Variants in PRKCE observed in about 807,000 individuals in gnomAD.
The protein encoded by PRKCE is protein kinase C epsilon.
PRKCE carries 16 observed loss-of-function variants against 85.4 expected under a neutral mutation model. The ratio of observed to expected loss-of-function variants is 0.19; its 90% CI spans 0.13 to 0.28. The LOEUF (loss-of-function observed/expected upper bound fraction) is 0.28, where lower values mean the gene tolerates loss of function less well. Ranked by LOEUF, PRKCE falls within the 10% of genes least tolerant of loss-of-function variation. The pLI is 1.00. For missense variants in PRKCE, 573 were observed against 975.2 expected, an observed-to-expected ratio of 0.59 and a Z score of 5.49; for synonymous variants, 388 against 371.5, an observed-to-expected ratio of 1.04 and a Z score of -0.51.
Position 45,962,252 on chromosome 2 carries a change from T to C in PRKCE, c.413-14177T>C, listed in dbSNP as rs1701432738. 2.0e-5 allele frequency among the ~76,000 whole-genome samples: 3 copies of C among 152,204 alleles called. No homozygotes were observed. In the South Asian group the frequency reaches 6.2e-4, roughly 32 times the overall value. The stretch of plus-strand genomic sequence containing the variant: ...TGGGTAATGTAGAACCATTCCTACT[T>C]TCCCCCCAGGGCCCTAAAGAATGTA... On this transcript the variant is annotated intron_variant, in intron 2 of 14. Coordinates refer to ENST00000306156, the MANE Select transcript of PRKCE (RefSeq NM_005400.3).
chr2:45,960,944 G>T (rs774838177), intron 2 of PRKCE, among the ~76,000 whole-genome samples: 12 of 152,136 alleles, frequency 7.9e-5, no homozygotes, highest in Non-Finnish European at 1.5e-4. Flanking sequence ...CCTCGCAGAG[G>T]CTTTCTGTTT....
chr2:46,022,591 A>G lies in PRKCE; in HGVS notation c.1437+12074A>G, dbSNP rs563903829. Among the ~76,000 whole-genome samples, 333 of 152,372 alleles carry G rather than the reference A, an allele frequency of 2.2e-3. 1 individual carries two copies. The highest frequency in any genetic ancestry group is 0.01 in the Middle Eastern group (3 of 294). ...AAAGCTCAATTCAGCAAATGCTTCT[A>G]CCTTGATCAAAGCCTCTGTGTTCAC... On this transcript the variant is annotated intron_variant, in intron 10 of 14. Transcript: ENST00000306156.
chr2:45,933,186 A>G lies in PRKCE; in HGVS notation c.413-43243A>G, dbSNP rs199532398. On this transcript the variant is annotated intron_variant, in intron 2 of 14. Transcript: ENST00000306156. ...TATTGGGTTGTCTGCTTTAAAAAAGATGATTTTTAGAAGGTCTTCATAGAT... is the reference window on the plus strand; with the variant it reads ...TATTGGGTTGTCTGCTTTAAAAAAGGTGATTTTTAGAAGGTCTTCATAGAT... Among the ~76,000 whole-genome samples, 4 of 152,272 alleles carry G rather than the reference A, an allele frequency of 2.6e-5. No homozygotes were observed. The East Asian group carries it at 7.7e-4, about 29-fold the overall frequency.
At chr2:46,075,744 G>T (rs1668502024) in intron 10 of PRKCE, among the ~76,000 whole-genome samples, 1 of 152,200 alleles carries the variant, frequency 6.6e-6, no homozygotes, top group African/African-American at 2.4e-5. Context: ...GTGAGGCCCT[G>T]TCTCTAAATA....
intron 2 of PRKCE, among the ~76,000 whole-genome samples, chr2:45,864,258 G>A (rs1693401264): frequency 1.3e-5 from 2 of 152,140 alleles, no homozygotes; most frequent in African/African-American, 4.8e-5. Flanking sequence ...AAAATTTTCT[G>A]TACGTTCTGG....
At chr2:46,039,275 C>T (rs1485106041) in intron 10 of PRKCE, among the ~76,000 whole-genome samples, 1 of 152,192 alleles carries the variant, frequency 6.6e-6, no homozygotes, top group African/African-American at 2.4e-5. Context: ...TCTTGCTCAC[C>T]TGCTTCCCAC....
chr2:46,117,701 G>A (rs536166390), intron 11 of PRKCE, among the ~76,000 whole-genome samples: 3 of 152,274 alleles, frequency 2.0e-5, no homozygotes, highest in Middle Eastern at 3.4e-3. Context: ...TCTACCTCAC[G>A]GGATTACTGT....
intron 2 of PRKCE, among the ~76,000 whole-genome samples, chr2:45,890,304 C>T (rs113865127): frequency 5.9e-5 from 9 of 152,276 alleles, no homozygotes; most frequent in African/African-American, 1.4e-4. Flanking sequence ...CTCTTTCCCT[C>T]GGATTATTTT....
At chr2:45,836,700 C>T (rs1369980366) in intron 1 of PRKCE, among the ~76,000 whole-genome samples, 1 of 152,188 alleles carries the variant, frequency 6.6e-6, no homozygotes. Flanking sequence ...GTCTTCTGTC[C>T]TGATGGTTCC....
At chr2:45,705,071 C>A (rs939966591) in intron 1 of PRKCE, among the ~76,000 whole-genome samples, 1 of 152,198 alleles carries the variant, frequency 6.6e-6, no homozygotes, top group African/African-American at 2.4e-5. Context: ...TTAAAACTTA[C>A]AAATGCCAGA....
intron 14 of PRKCE, among the ~76,000 whole-genome samples, chr2:46,176,371 C>T (rs796397624): frequency 1.5e-4 from 23 of 151,914 alleles, no homozygotes; most frequent in East Asian, 7.8e-4. Flanking sequence ...TTCCAGGTTA[C>T]GGAAGAATCT....
chr2:46,025,091 G>A (rs925575252), intron 10 of PRKCE, among the ~76,000 whole-genome samples: 22 of 152,296 alleles, frequency 1.4e-4, no homozygotes, highest in East Asian at 3.9e-4. Flanking sequence ...AAAAACAAAT[G>A]TAGGTGTGAT....
At chr2:45,739,081 A>C (rs911030490) in intron 1 of PRKCE, among the ~76,000 whole-genome samples, 3 of 152,236 alleles carry the variant, frequency 2.0e-5, no homozygotes, top group East Asian at 1.9e-4. Flanking sequence ...CTGTATTCTC[A>C]GACAAGATCT....
At chr2:46,166,676 T>G (rs11125055) in intron 14 of PRKCE, 124,882 of 152,184 alleles carry the variant, frequency 0.82, 51,595 homozygotes, top group East Asian at 0.96. Context: ...GATACTATGA[T>G]AATTCTTCAC....
At chr2:45,973,954 A>T (rs1002906841) in intron 2 of PRKCE, among the ~76,000 whole-genome samples, 10 of 152,292 alleles carry the variant, frequency 6.6e-5, no homozygotes, top group African/African-American at 2.4e-4. Context: ...GCATTAGGAG[A>T]CGGGCTTACT....
Position 46,184,095 on chromosome 2 carries a change from C to T in PRKCE, c.2068-640C>T, listed in dbSNP as rs1680258350. Among the ~76,000 whole-genome samples, 1 of 152,162 alleles carries T rather than the reference C, an allele frequency of 6.6e-6. No individual in the cohort carries two copies. The highest frequency in any genetic ancestry group is 1.5e-5 in the Non-Finnish European group (1 of 68,038). On this transcript the variant is annotated intron_variant, in intron 14 of 14. Transcript: ENST00000306156. This position sits in a 1 kb window ranked among gnomAD's most constrained non-coding sequence, Gnocchi z 5.0. ...CTTATTGCTGGGGAACTGCTGGGAACTCAAAGTTGAACAAGACAAGGTCTC... is the reference window on the plus strand; with the variant it reads ...CTTATTGCTGGGGAACTGCTGGGAATTCAAAGTTGAACAAGACAAGGTCTC...
chr2:45,939,179 A>G (rs1265251090), intron 2 of PRKCE, among the ~76,000 whole-genome samples: 1 of 152,218 alleles, frequency 6.6e-6, no homozygotes, highest in Non-Finnish European at 1.5e-5. Flanking sequence ...TGGAGGCTTC[A>G]ATAAGACAAG....
chr2:45,672,006 T>A (rs1676188739), intron 1 of PRKCE, among the ~76,000 whole-genome samples: 1 of 138,974 alleles, frequency 7.2e-6, no homozygotes. Flanking sequence ...AAAGGTACAA[T>A]GAGCCATGAT....
At chr2:45,949,803 G>A (rs990165352) in intron 2 of PRKCE, among the ~76,000 whole-genome samples, 2 of 150,342 alleles carry the variant, frequency 1.3e-5, no homozygotes, top group Non-Finnish European at 3.0e-5. Context: ...CTATCCCTTT[G>A]GTCTGTCCCG....
Sources: allele counts gnomAD v4.1 joint callset (sites outside exome capture counted in the v4.1 genomes callset), GRCh38; gene constraint gnomAD v4.1.1; non-coding constraint Gnocchi (gnomAD v3.1); transcripts MANE v1.5; gene names NCBI Gene and HGNC (gene_info 2026-07-23, HGNC 2026-07-21).